The following SLC44A4 variants were observed in gnomAD, a reference collection of about 807,000 sequenced individuals.
The protein encoded by SLC44A4 is solute carrier family 44 member 4, also known as choline transporter-like protein 4.
In SLC44A4, 74 loss-of-function variants were observed where a neutral mutation model predicts 97.0. The ratio of observed to expected loss-of-function variants is 0.76; its 90% CI spans 0.63 to 0.93. The LOEUF (loss-of-function observed/expected upper bound fraction) is 0.93. Ranked by LOEUF, SLC44A4 falls within the 40% of genes least tolerant of loss-of-function variation. SLC44A4 has a pLI of 0.00. For missense variants in SLC44A4, 799 were observed against 902.9 expected (o/e 0.88, Z 1.48); for synonymous variants, 325 against 363.8 (o/e 0.89, Z 1.21).
In SLC44A4 at chr6:31,871,398, C is replaced by A. The variant is rs766087504; in HGVS notation, c.618-1G>T. The A allele has an allele frequency of 6.2e-7, 1 of 1,614,110 alleles. No individual in the cohort carries two copies. Among genetic ancestry groups the A allele is most frequent in the Admixed American group, 1.7e-5 (1 of 60,018 alleles). ...GGCATTGAGGCTGTCAATAAGACCGCTGTTGGGGAGACAGAGTCAGATGGG... is the reference window on the plus strand; with the variant it reads ...GGCATTGAGGCTGTCAATAAGACCGATGTTGGGGAGACAGAGTCAGATGGG... On this transcript the variant is annotated splice_acceptor_variant, in intron 8 of 20. Transcript: ENST00000229729. LOFTEE classifies it high-confidence loss of function.
In SLC44A4 at chr6:31,864,885, G is replaced by A. The variant is rs1762761794; in HGVS notation, c.1857C>T (p.Ser619=). Residue 619 remains serine, a synonymous_variant, in exon 19 of 21, where the codon TCC becomes TCT. Transcript: ENST00000229729. ...GVGVLSFFFF[S]GRIPGLGKDF... ...CTTTACCCAGCCCCGGGATGCGACC[G>A]GAGAAAAAAAAGAAGGACAGGACCC... The A allele has an allele frequency of 2.5e-6, 4 of 1,613,844 alleles. No individual in the cohort carries two copies. The highest frequency in any genetic ancestry group is 3.4e-6 in the Non-Finnish European group (4 of 1,179,896).
rs561901386 is a variant in SLC44A4, at chr6:31,876,181, G to A, written c.90-52C>T. On this transcript the variant is annotated intron_variant, in intron 2 of 20. Transcript: ENST00000229729. The surrounding 1 kb of genome is among the most constrained non-coding windows in gnomAD (Gnocchi z 4.8). The stretch of plus-strand genomic sequence containing the variant: ...GAGCTAAGGAGACTTGGGGAGGTAG[G>A]GCTTATGGTCTGGAGGGGTTAAGGG... 832 of 1,508,998 alleles carry A rather than the reference G, an allele frequency of 5.5e-4. 8 individuals carry two copies. In the South Asian group the frequency reaches 8.9e-3, roughly 16 times the overall value. The allele number at this position is 1,508,998 out of a possible 1,614,324, so 93.5% of individuals were successfully genotyped here.
At chr6:31,866,993 ATC>A (rs922812877) in intron 13 of SLC44A4, among the ~76,000 whole-genome samples, 2 of 152,204 alleles carry the variant, frequency 1.3e-5, no homozygotes, top group African/African-American at 4.8e-5. Context: ...CTGTGCTATC[ATC>A]TCTACTTTTG....
In SLC44A4 at chr6:31,874,161, G is replaced by A. The variant is rs1203371238; in HGVS notation, c.529+299C>T. Among the ~76,000 whole-genome samples the A allele has an allele frequency of 6.7e-6, 1 of 149,438 alleles. No homozygotes were observed. The highest frequency in any genetic ancestry group is 1.5e-5 in the Non-Finnish European group (1 of 67,078). On this transcript the variant is annotated intron_variant, in intron 7 of 20. Transcript: ENST00000229729. The surrounding 1 kb of genome is among the most constrained non-coding windows in gnomAD (Gnocchi z 4.8). The stretch of plus-strand genomic sequence containing the variant: ...GATTCACCCATGTATGTTTTCATGA[G>A]ATTTTCATACAGTCTCTTTGTGAAC...
At chr6:31,870,270 T>G (rs1438609889) in intron 11 of SLC44A4, among the ~76,000 whole-genome samples, 1 of 152,124 alleles carries the variant, frequency 6.6e-6, no homozygotes, top group African/African-American at 2.4e-5. Context: ...CAGGTGTGTG[T>G]GGCAGTTCCT....
Position 31,874,892 on chromosome 6 carries a change from G to A in SLC44A4, c.342+37C>T. The A allele has an allele frequency of 6.2e-7, 1 of 1,613,732 alleles. No homozygotes were observed. The highest frequency in any genetic ancestry group is 8.5e-7 in the Non-Finnish European group (1 of 1,179,796). On this transcript the variant is annotated intron_variant, in intron 5 of 20. Coordinates refer to ENST00000229729, the MANE Select transcript of SLC44A4 (RefSeq NM_025257.3). This position sits in a 1 kb window ranked among gnomAD's most constrained non-coding sequence, Gnocchi z 4.8. ...AAGGGGCTGGAACCTGAGACCCTGG[G>A]TGAGATCTGGGGTAGAGGCAGGTCC...
At position 31,863,414 on chromosome 6, in the gene SLC44A4, C is replaced by T. The variant is rs1210387777; in HGVS notation, c.*213G>A. ...CTAATTTTTGTATTTTTAATAGAGA[C>T]GGAGGTTTCACCATGTTGGCCAGGC... On this transcript the variant is annotated 3_prime_UTR_variant, in exon 21 of 21. Coordinates refer to ENST00000229729, the MANE Select transcript of SLC44A4 (RefSeq NM_025257.3). The T allele has an allele frequency of 1.1e-5, 6 of 532,144 alleles. No homozygotes were observed. In the East Asian group the frequency reaches 1.6e-4, roughly 14 times the overall value. The allele number at this position is 532,144 out of a possible 1,614,324, so 33.0% of individuals were successfully genotyped here.
rs1398627077 is a variant in SLC44A4 at position 31,876,718 on chromosome 6, C to G, written c.89+316G>C. ...CTCCAAAACACAAAAAGAAAGAAAA[C>G]CTTTTTCTGGGTGGGTAAACTTTCT... On this transcript the variant is annotated intron_variant, in intron 2 of 20. Coordinates refer to ENST00000229729, the MANE Select transcript of SLC44A4 (RefSeq NM_025257.3). The surrounding 1 kb of genome is among the most constrained non-coding windows in gnomAD (Gnocchi z 4.8). 6.6e-6 allele frequency among the ~76,000 whole-genome samples: 1 copy of G among 152,122 alleles called. No homozygotes were observed. The highest frequency in any genetic ancestry group is 1.5e-5 in the Non-Finnish European group (1 of 68,022).
At chr6:31,875,769 T>A (rs1763404991) in intron 4 of SLC44A4, 83 bp downstream of exon 4, 1 of 1,267,080 alleles carries the variant, frequency 7.9e-7, no homozygotes, top group African/African-American at 1.5e-5. Flanking sequence ...CACGGACAGG[T>A]CTGGAGCCTG....
chr6:31,863,578 T>G lies in SLC44A4; in HGVS notation c.*49A>C. 6.4e-7 allele frequency: 1 copy of G among 1,567,110 alleles called. No homozygotes were observed. Among genetic ancestry groups the G allele is most frequent in the Non-Finnish European group, 8.6e-7 (1 of 1,159,396 alleles). Reference sequence around the variant, plus strand: ...ACCTGTAAGGCGAAGTGAGGTTGGATGGCTGGACGGTGGGGGTGGGGTGCA... The same window carrying G: ...ACCTGTAAGGCGAAGTGAGGTTGGAGGGCTGGACGGTGGGGGTGGGGTGCA... On this transcript the variant is annotated 3_prime_UTR_variant, in exon 21 of 21. Coordinates refer to ENST00000229729, the MANE Select transcript of SLC44A4 (RefSeq NM_025257.3).
At chr6:31,864,985 GT>G (rs772264886) in intron 18 of SLC44A4, 24 bp downstream of exon 18, 1 of 1,613,966 alleles carries the variant, frequency 6.2e-7, no homozygotes, top group Non-Finnish European at 8.5e-7. Context: ...CCTACCCTCT[GT>G]CCCCACAGCT....
chr6:31,870,744 C>G (rs1400969836), intron 10 of SLC44A4, 42 bp from the exon 11 acceptor site: 2 of 1,611,634 alleles, frequency 1.2e-6, no homozygotes, highest in African/African-American at 2.7e-5. Flanking sequence ...AGGGCCAGGG[C>G]TGGGGCCGGG....
chr6:31,875,547 G>T (rs1763396279), intron 4 of SLC44A4, among the ~76,000 whole-genome samples: 2 of 152,240 alleles, frequency 1.3e-5, no homozygotes, highest in African/African-American at 4.8e-5. Flanking sequence ...CTTGTCCAAG[G>T]CCACACAACC....
In SLC44A4 at chr6:31,875,865, T is replaced by C. The variant is rs1763411660; in HGVS notation, c.229A>G (p.Met77Val). 1 of 1,611,462 alleles carries C rather than the reference T, an allele frequency of 6.2e-7. No homozygotes were observed. The highest frequency in any genetic ancestry group is 8.5e-7 in the Non-Finnish European group (1 of 1,178,604). The stretch of plus-strand genomic sequence containing the variant: ...CTTTGTACTCACTTGTTCTCCCCCA[T>C]GCCACAGTAGGCCCCAGTAGAGTTC... ...PRNSTGAYCG[M>V]GENKDKPYLL... The change falls in exon 4 of 21, where the codon ATG (methionine) becomes GTG (valine). Residue 77 changes from methionine (M) to valine (V), a missense_variant. Transcript: ENST00000229729.
chr6:31,871,224 A>G, intron 9 of SLC44A4, 90 bp downstream of exon 9: 1 of 1,404,616 alleles, frequency 7.1e-7, no homozygotes, highest in East Asian at 2.3e-5. Context: ...TCCTCTGTCC[A>G]AAGCCTGTGT....
rs1300774250 is a variant in SLC44A4, at chr6:31,878,973, C to A, written c.8G>T (p.Gly3Val). 1.2e-6 allele frequency: 2 copies of A among 1,613,320 alleles called. No individual in the cohort carries two copies. The highest frequency in any genetic ancestry group is 8.5e-7 in the Non-Finnish European group (1 of 1,179,734). ...CTCGTCATCCTCGTCCCGCTGCTTT[C>A]CCCCCATGGCTCAGTCTCCGGAGTG... MG[G>V]KQRDEDDEAY... Residue 3 changes from glycine (G) to valine (V), a missense_variant, in exon 1 of 21, where the codon GGA (glycine) becomes GTA (valine). By Grantham distance (109) the Gly-to-Val change is moderately radical (BLOSUM62 -3). Transcript: ENST00000229729. This position sits in a 1 kb window ranked among gnomAD's most constrained non-coding sequence, Gnocchi z 4.0.
At chr6:31,868,241 G>A (rs540793985) in intron 13 of SLC44A4, among the ~76,000 whole-genome samples, 5 of 152,298 alleles carry the variant, frequency 3.3e-5, no homozygotes, top group Admixed American at 6.5e-5. Flanking sequence ...CGCCACTCCC[G>A]GGGAACCTCA....
In SLC44A4 at chr6:31,877,435, C is replaced by T. The variant is rs1763506451; in HGVS notation, c.41-353G>A. 3 of 363,564 alleles carry T rather than the reference C, an allele frequency of 8.3e-6. No homozygotes were observed. The East Asian group carries it at 1.7e-4, about 21-fold the overall frequency. The allele number at this position is 363,564 out of a possible 1,614,324, so 22.5% of individuals were successfully genotyped here. Reference sequence around the variant, plus strand: ...TCCCTTTAGCTGGGATGTGGGACTCCCAGTGGCTCTCACTCCCTCATTCTC... The same window carrying T: ...TCCCTTTAGCTGGGATGTGGGACTCTCAGTGGCTCTCACTCCCTCATTCTC... On this transcript the variant is annotated intron_variant, in intron 1 of 20. Coordinates refer to ENST00000229729, the MANE Select transcript of SLC44A4 (RefSeq NM_025257.3). The surrounding 1 kb of genome is among the most constrained non-coding windows in gnomAD (Gnocchi z 6.5).
chr6:31,866,785 TCAGGAGG>T (rs1762895305), intron 13 of SLC44A4, among the ~76,000 whole-genome samples: 1 of 151,682 alleles, frequency 6.6e-6, no homozygotes, highest in Admixed American at 6.6e-5. Context: ...TCCCAGCTAT[TCAGGAGG>T]CTGAGGCAGG....
Sources: gnomAD v4.1 joint callset for allele counts (sites outside exome capture counted in the v4.1 genomes callset) on GRCh38, gnomAD v4.1.1 for gene constraint, Gnocchi (gnomAD v3.1) non-coding constraint, MANE v1.5 for transcripts, NCBI Gene and HGNC (gene_info 2026-07-23, HGNC 2026-07-21) for gene names.